Variants in SEMA3D observed in about 807,000 individuals in gnomAD.
SEMA3D encodes the protein semaphorin 3D.
SEMA3D carries 84 observed loss-of-function variants against 100.1 expected under a neutral mutation model. That is an observed-to-expected ratio of 0.84 (90% confidence interval 0.70 to 1.01). The LOEUF (loss-of-function observed/expected upper bound fraction) is 1.01. SEMA3D is among the 50% of genes least tolerant of loss of function. The pLI is 0.00. For missense variants in SEMA3D, 875 were observed against 934.1 expected (o/e 0.94, Z 0.82); for synonymous variants, 312 against 320.7 (o/e 0.97, Z 0.29).
In SEMA3D at chr7:85,145,351, G is replaced by A. The variant is rs537481468; in HGVS notation, c.-41+8257C>T. Among the ~76,000 whole-genome samples the A allele has an allele frequency of 2.6e-5, 4 of 152,042 alleles. No individual in the cohort carries two copies. The East Asian group carries it at 7.7e-4, about 29-fold the overall frequency. On this transcript the variant is annotated intron_variant, in intron 2 of 18. Coordinates refer to ENST00000284136, the MANE Select transcript of SEMA3D (RefSeq NM_001384900.1). ...CCTTTAATGTTTTATTGGTTTGGGG[G>A]GGATAGATAAAAGTACAATATTTAA...
chr7:85,203,778 T>G, the SEMA3D span, among the ~76,000 whole-genome samples: 1 of 151,998 alleles, frequency 6.6e-6, no homozygotes, highest in South Asian at 2.1e-4. Flanking sequence ...AAGCAAGGAC[T>G]TTACAGATTG....
intron 18 of SEMA3D, among the ~76,000 whole-genome samples, chr7:85,005,111 G>A (rs939399721): frequency 2.6e-5 from 4 of 151,708 alleles, no homozygotes; most frequent in African/African-American, 9.7e-5. Context: ...GAAGAAAAAA[G>A]CCATTTATTA....
chr7:85,058,941 T>C (rs1439621012), intron 8 of SEMA3D, among the ~76,000 whole-genome samples: 2 of 152,148 alleles, frequency 1.3e-5, no homozygotes, highest in Non-Finnish European at 2.9e-5. Flanking sequence ...TGACACTCTA[T>C]ATCAAACCAA....
At position 85,048,005 on chromosome 7, in the gene SEMA3D, A is replaced by G. The variant is rs146403689; in HGVS notation, c.862-5720T>C. 6.4e-3 allele frequency among the ~76,000 whole-genome samples: 974 copies of G among 151,830 alleles called. 8 individuals carry two copies. The highest frequency in any genetic ancestry group is 0.022 in the African/African-American group (932 of 41,480). ...ATAGATTTTAGTTTGAATTAATACT[A>G]CTCACCTTCTTTTGAAGTGTGATAT... On this transcript the variant is annotated intron_variant, in intron 9 of 18. Coordinates refer to ENST00000284136, the MANE Select transcript of SEMA3D (RefSeq NM_001384900.1).
chr7:85,084,415 G>C (rs756074306), intron 4 of SEMA3D, among the ~76,000 whole-genome samples: 2 of 152,000 alleles, frequency 1.3e-5, no homozygotes, highest in Non-Finnish European at 2.9e-5. Flanking sequence ...TGTACTTGCT[G>C]GTTCTTCAAT....
At chr7:85,059,915 T>C (rs556794511) in intron 8 of SEMA3D, among the ~76,000 whole-genome samples, 1 of 152,294 alleles carries the variant, frequency 6.6e-6, no homozygotes, top group East Asian at 1.9e-4. Context: ...AAAAACATCA[T>C]CCAAGTGTTG....
chr7:85,223,084 A>G, the SEMA3D span, among the ~76,000 whole-genome samples: 1 of 152,106 alleles, frequency 6.6e-6, no homozygotes, highest in African/African-American at 2.4e-5. Flanking sequence ...ATTGTCAGAG[A>G]AACGCAAATC....
In SEMA3D at chr7:85,020,223, T is replaced by C; in HGVS notation, c.1503+10A>G. ...CATCTTTTCTCCTGGCACTCTGGAC[T>C]GAGTCTTACCTTGAATATCTGCAAC... On this transcript the variant is annotated intron_variant, in intron 14 of 18. Transcript: ENST00000284136. The C allele has an allele frequency of 4.4e-6, 7 of 1,586,026 alleles. No homozygotes were observed. The highest frequency in any genetic ancestry group is 2.2e-5 in the East Asian group (1 of 44,538).
the SEMA3D span, among the ~76,000 whole-genome samples, chr7:85,247,634 C>A: frequency 3.3e-5 from 5 of 152,040 alleles, no homozygotes; most frequent in African/African-American, 1.2e-4. Context: ...GTGATACTAC[C>A]TGACTTCCAG....
intron 2 of SEMA3D, among the ~76,000 whole-genome samples, chr7:85,136,966 A>ATGT (rs1322383677): frequency 5.9e-5 from 9 of 152,216 alleles, no homozygotes; most frequent in Non-Finnish European, 1.2e-4. Context: ...TAAATTTAGT[A>ATGT]TGTTGATATG....
At chr7:85,167,041 A>G (rs1422261395) in intron 1 of SEMA3D, among the ~76,000 whole-genome samples, 1 of 151,980 alleles carries the variant, frequency 6.6e-6, no homozygotes, top group East Asian at 1.9e-4. Context: ...AAATCAATAC[A>G]AACGTATTGG....
rs771173527 is a variant in SEMA3D at position 84,999,345 on chromosome 7, A to G, written c.*95T>C. The G allele has an allele frequency of 2.7e-5, 27 of 987,116 alleles. No homozygotes were observed. The highest frequency in any genetic ancestry group is 3.7e-5 in the Non-Finnish European group (25 of 667,532). 61.1% of individuals were successfully genotyped at this position (987,116 alleles called of 1,614,324 possible). ...TTGTCTTGTGCCTTAGCAAAACTCC[A>G]TGGGAAGCATTTATGAATTACTATA... On this transcript the variant is annotated 3_prime_UTR_variant, in exon 19 of 19. Transcript: ENST00000284136.
At chr7:85,200,059 T>A in the SEMA3D span, among the ~76,000 whole-genome samples, 3 of 152,342 alleles carry the variant, frequency 2.0e-5, no homozygotes, top group Admixed American at 2.0e-4. Context: ...CATGTGGAAC[T>A]GTATGTCCAT....
chr7:85,140,960 G>A (rs1389214487), intron 2 of SEMA3D: 5 of 571,612 alleles, frequency 8.7e-6, no homozygotes, highest in African/African-American at 8.1e-5. Context: ...TATTTTCTAT[G>A]CATATACATA....
At chr7:85,142,105 T>G (rs915258209) in intron 2 of SEMA3D, 7 of 984,616 alleles carry the variant, frequency 7.1e-6, no homozygotes, top group Non-Finnish European at 1.2e-6. Context: ...ATTTTAGTTT[T>G]GATGTATTAA....
At chr7:85,220,011 CAAATTGTCAGTCAATTTGG>C in the SEMA3D span, among the ~76,000 whole-genome samples, 1 of 151,994 alleles carries the variant, frequency 6.6e-6, no homozygotes, top group Non-Finnish European at 1.5e-5. Context: ...CTGATATTAG[CAAATTGTCAGTCAATTTGG>C]AAATTGTCAG....
Position 85,032,212 on chromosome 7 carries a change from C to T in SEMA3D, c.1191+4677G>A, listed in dbSNP as rs151178859. ...TTTTACAGGCATAGTTTATCTGATA[C>T]GCTGTGAAATATAATTTCAATGATT... is the stretch of plus-strand genomic sequence containing the variant. On this transcript the variant is annotated intron_variant, in intron 12 of 18. Coordinates refer to ENST00000284136, the MANE Select transcript of SEMA3D (RefSeq NM_001384900.1). Among the ~76,000 whole-genome samples, 8 of 151,942 alleles carry T rather than the reference C, an allele frequency of 5.3e-5. 1 individual carries two copies. Among genetic ancestry groups the T allele is most frequent in the East Asian group, 3.9e-4 (2 of 5,152 alleles).
chr7:85,244,514 C>T, the SEMA3D span, among the ~76,000 whole-genome samples: 3 of 151,958 alleles, frequency 2.0e-5, no homozygotes, highest in Admixed American at 6.6e-5. Context: ...ACATTATTTG[C>T]AATGGTGCAA....
chr7:85,083,458 G>C (rs1421894824), intron 4 of SEMA3D, among the ~76,000 whole-genome samples: 1 of 152,150 alleles, frequency 6.6e-6, no homozygotes, highest in Non-Finnish European at 1.5e-5. Flanking sequence ...AAATTGGAAC[G>C]TTTCTTCAAA....
Sources: gnomAD v4.1 joint callset for allele counts (sites outside exome capture counted in the v4.1 genomes callset) on GRCh38, gnomAD v4.1.1 for gene constraint, MANE v1.5 for transcripts, NCBI Gene and HGNC (gene_info 2026-07-23, HGNC 2026-07-21) for gene names.